Variants in GPHN observed in about 807,000 individuals in gnomAD.
GPHN encodes the protein gephyrin.
A neutral mutation model predicts 95.5 loss-of-function variants in GPHN; 17 were observed. The observed-to-expected ratio is 0.18, with a 90% CI of 0.12 to 0.27. The LOEUF (loss-of-function observed/expected upper bound fraction) is 0.27. GPHN is among the 10% of genes least tolerant of loss of function. The pLI, the probability that GPHN is intolerant of heterozygous loss-of-function variation, is 1.00. For synonymous variants in GPHN, 320 were observed against 322.5 expected (o/e 0.99, Z 0.08); for missense variants, 660 against 978.1 (o/e 0.67, Z 4.34).
chr14:67,422,907 C>T, the GPHN span, among the ~76,000 whole-genome samples: 1 of 149,462 alleles, frequency 6.7e-6, no homozygotes, highest in African/African-American at 2.5e-5. Context: ...TCTTGGCTCA[C>T]TGCAACCTCC....
chr14:66,729,832 A>C (rs2071606318), intron 2 of GPHN, among the ~76,000 whole-genome samples: 2 of 152,234 alleles, frequency 1.3e-5, no homozygotes, highest in Admixed American at 1.3e-4. Flanking sequence ...GGGTTGTCAG[A>C]AAGAAGAGTA....
chr14:67,041,166 C>G (rs1038641274), intron 10 of GPHN, among the ~76,000 whole-genome samples: 1 of 152,136 alleles, frequency 6.6e-6, no homozygotes, highest in Non-Finnish European at 1.5e-5. Context: ...GGCATCATAG[C>G]TCTACTTTGG....
the GPHN span, chr14:67,733,916 C>A: frequency 1.7e-6 from 2 of 1,188,262 alleles, no homozygotes; most frequent in Non-Finnish European, 2.5e-6. Flanking sequence ...AAGGAGAAGG[C>A]CAACCCTAAA....
At position 67,052,032 on chromosome 14, in the gene GPHN, G is replaced by A. The variant is rs1480599286; in HGVS notation, c.1007-6617G>A. Among the ~76,000 whole-genome samples the A allele has an allele frequency of 5.3e-5, 8 of 152,220 alleles. No homozygotes were observed. The East Asian group carries it at 7.7e-4, about 15-fold the overall frequency. On this transcript the variant is annotated intron_variant, in intron 10 of 22. Coordinates refer to ENST00000478722, the MANE Select transcript of GPHN (RefSeq NM_020806.5). Reference sequence around the variant, plus strand: ...ACACTAAAGTACACAGACCAATGACGCTTCGAAGCAACTACATCAACAAGT... The same window carrying A: ...ACACTAAAGTACACAGACCAATGACACTTCGAAGCAACTACATCAACAAGT...
chr14:67,426,683 C>A, the GPHN span, among the ~76,000 whole-genome samples: 1 of 152,188 alleles, frequency 6.6e-6, no homozygotes, highest in Non-Finnish European at 1.5e-5. Context: ...TCAAGCGATT[C>A]TCCTGCCTTA....
intron 21 of GPHN, among the ~76,000 whole-genome samples, chr14:67,177,495 C>G (rs1214841127): frequency 2.0e-5 from 3 of 152,068 alleles, no homozygotes; most frequent in Admixed American, 2.0e-4. Context: ...GTTTTACTTC[C>G]AATTATGTGG....
At chr14:66,614,583 T>C (rs1431519242) in intron 1 of GPHN, among the ~76,000 whole-genome samples, 1 of 151,826 alleles carries the variant, frequency 6.6e-6, no homozygotes, top group African/African-American at 2.4e-5. Flanking sequence ...TTTAGCTTTT[T>C]TTTTTTTTTG....
chr14:66,524,363 G>A (rs1002272168), intron 1 of GPHN, among the ~76,000 whole-genome samples: 64 of 151,898 alleles, frequency 4.2e-4, no homozygotes, highest in African/African-American at 1.5e-3. Context: ...TGGGGCATAA[G>A]GGAAATAAAT....
chr14:66,612,390 T>C (rs1188063504), intron 1 of GPHN, among the ~76,000 whole-genome samples: 3 of 152,070 alleles, frequency 2.0e-5, no homozygotes, highest in Non-Finnish European at 4.4e-5. Flanking sequence ...CTGCATACTT[T>C]CTACTCCTCT....
At chr14:67,373,296 C>T in the GPHN span, among the ~76,000 whole-genome samples, 1 of 151,926 alleles carries the variant, frequency 6.6e-6, no homozygotes, top group East Asian at 1.9e-4. Flanking sequence ...GAACTTAACA[C>T]TAAAAGTGGT....
chr14:66,848,983 C>A (rs759977150), intron 4 of GPHN, among the ~76,000 whole-genome samples: 1 of 151,818 alleles, frequency 6.6e-6, no homozygotes, highest in African/African-American at 2.4e-5. Flanking sequence ...AGTACACTTA[C>A]TGTATGCCAT....
the GPHN span, chr14:67,575,848 G>A: frequency 2.1e-3 from 3,400 of 1,613,820 alleles, 5 homozygotes; most frequent in Non-Finnish European, 2.3e-3. Context: ...CTGCCTGTGC[G>A]GGATGCGCAC....
intron 1 of GPHN, among the ~76,000 whole-genome samples, chr14:66,544,891 G>C (rs979081277): frequency 6.6e-6 from 1 of 152,058 alleles, no homozygotes; most frequent in African/African-American, 2.4e-5. Flanking sequence ...GTTTCAGAGA[G>C]CACAGGGTTG....
chr14:67,578,969 G>C, the GPHN span, among the ~76,000 whole-genome samples: 1 of 152,174 alleles, frequency 6.6e-6, no homozygotes, highest in African/African-American at 2.4e-5. This position sits in a 1 kb window ranked among gnomAD's most constrained non-coding sequence, Gnocchi z 5.0. Context: ...GCTATATAAA[G>C]GTCCTGAATG....
At chr14:66,638,743 C>T (rs2064238300) in intron 1 of GPHN, among the ~76,000 whole-genome samples, 1 of 150,662 alleles carries the variant, frequency 6.6e-6, no homozygotes, top group Non-Finnish European at 1.5e-5. Context: ...TCTTCTTTTC[C>T]ATAATGAAAA....
chr14:67,595,810 T>C, the GPHN span, among the ~76,000 whole-genome samples: 1 of 152,038 alleles, frequency 6.6e-6, no homozygotes, highest in African/African-American at 2.4e-5. Context: ...GGAGGACAAG[T>C]AGGGCACACT....
At chr14:66,642,318 G>T (rs1401006023) in intron 1 of GPHN, among the ~76,000 whole-genome samples, 2 of 152,110 alleles carry the variant, frequency 1.3e-5, no homozygotes, top group Non-Finnish European at 2.9e-5. Context: ...CAGCAGAAGG[G>T]GGAGTCATTG....
chr14:66,992,270 A>G (rs2071482659), intron 9 of GPHN, among the ~76,000 whole-genome samples: 1 of 152,190 alleles, frequency 6.6e-6, no homozygotes, highest in Non-Finnish European at 1.5e-5. Flanking sequence ...TTACTGGCAT[A>G]TAAGTGAAAC....
At chr14:67,552,486 G>T in the GPHN span, among the ~76,000 whole-genome samples, 1 of 152,242 alleles carries the variant, frequency 6.6e-6, no homozygotes, top group Non-Finnish European at 1.5e-5. Flanking sequence ...AAGAAGGACT[G>T]GCTGGGTGCG....
Sources: gnomAD v4.1 joint callset for allele counts (sites outside exome capture counted in the v4.1 genomes callset) on GRCh38, gnomAD v4.1.1 for gene constraint, Gnocchi (gnomAD v3.1) non-coding constraint, MANE v1.5 for transcripts, NCBI Gene and HGNC (gene_info 2026-07-23, HGNC 2026-07-21) for gene names.